Variants in EPHA7 observed in about 807,000 individuals in gnomAD.
The protein encoded by EPHA7 is EPH receptor A7.
A neutral mutation model predicts 112.6 loss-of-function variants in EPHA7; 25 were observed. The ratio of observed to expected loss-of-function variants is 0.22; its 90% CI spans 0.16 to 0.31. The LOEUF is 0.31. Among genes scored for constraint, EPHA7 ranks in the 10% least tolerant of loss-of-function variants. The probability of loss-of-function intolerance (pLI) is 1.00; values close to 1 mark genes in which losing one functional copy is unlikely to be tolerated. For missense variants in EPHA7, 962 were observed against 1,212.6 expected, an observed-to-expected ratio of 0.79 and a Z score of 3.07; for synonymous variants, 437 against 406.5, an observed-to-expected ratio of 1.07 and a Z score of -0.90.
intron 3 of EPHA7, among the ~76,000 whole-genome samples, chr6:93,388,350 TC>T (rs1006635282): frequency 1.6e-4 from 25 of 152,266 alleles, no homozygotes; most frequent in African/African-American, 5.8e-4. Context: ...TGGAAGAGAA[TC>T]CCTATTATTA....
At chr6:93,351,188 T>G (rs971165282) in intron 5 of EPHA7, among the ~76,000 whole-genome samples, 1 of 152,138 alleles carries the variant, frequency 6.6e-6, no homozygotes, top group South Asian at 2.1e-4. Context: ...CTGCAACCCA[T>G]GTCTGGACAA....
rs138213186 is a variant in EPHA7 at position 93,400,122 on chromosome 6, T to C, written c.832+10379A>G. ...CTTTATAGGAAAATGTCAACTAAAA[T>C]AGGGACATTATATAATACAAGTCAC... On this transcript the variant is annotated intron_variant, in intron 3 of 16. Transcript: ENST00000369303. Among the ~76,000 whole-genome samples, 216 of 152,060 alleles carry C rather than the reference T, an allele frequency of 1.4e-3. 1 individual carries two copies. Among genetic ancestry groups the C allele is most frequent in the African/African-American group, 4.9e-3 (205 of 41,512 alleles).
intron 5 of EPHA7, among the ~76,000 whole-genome samples, chr6:93,333,913 G>A (rs898986918): frequency 2.0e-5 from 3 of 151,826 alleles, no homozygotes; most frequent in Non-Finnish European, 4.4e-5. Flanking sequence ...TCAAAATACC[G>A]ATGAAATTGT....
intron 7 of EPHA7, among the ~76,000 whole-genome samples, chr6:93,264,960 A>G (rs947306132): frequency 6.6e-6 from 1 of 151,666 alleles, no homozygotes; most frequent in African/African-American, 2.4e-5. Context: ...ATTCCTGCTT[A>G]GTTGTTGAAA....
intron 2 of EPHA7, among the ~76,000 whole-genome samples, chr6:93,414,133 G>T (rs1450675478): frequency 6.6e-6 from 1 of 151,796 alleles, no homozygotes; most frequent in East Asian, 1.9e-4. Flanking sequence ...TGTAATATGT[G>T]CAGGCTTTGC....
intron 3 of EPHA7, among the ~76,000 whole-genome samples, chr6:93,384,592 CAT>C (rs1191984267): frequency 2.6e-5 from 4 of 152,168 alleles, no homozygotes; most frequent in South Asian, 2.1e-4. Flanking sequence ...GCTGCGATTT[CAT>C]ATGTCACCCA....
At position 93,241,885 on chromosome 6, in the gene EPHA7, GTTAT is replaced by G. The variant is rs560743213; in HGVS notation, c.*1537_*1540del. On this transcript the variant is annotated 3_prime_UTR_variant, in exon 17 of 17. Coordinates refer to ENST00000369303, the MANE Select transcript of EPHA7 (RefSeq NM_004440.4). ...AGGAACATTTACAGATTTTGTTTCT[GTTAT>G]TTGTTTGTTTGTTTGTGGATGCCCA... is the stretch of plus-strand genomic sequence containing the variant. 1.8e-3 allele frequency: 402 copies of G among 218,262 alleles called. 5 individuals carry two copies. The highest frequency in any genetic ancestry group is 8.6e-3 in the African/African-American group (383 of 44,562). The allele number at this position is 218,262 out of a possible 1,614,324, so 13.5% of individuals were successfully genotyped here.
chr6:93,326,012 C>A (rs908602872), intron 5 of EPHA7, among the ~76,000 whole-genome samples: 8 of 151,300 alleles, frequency 5.3e-5, no homozygotes, highest in African/African-American at 1.9e-4. Flanking sequence ...AACAAAGAGT[C>A]AAGAATAATA....
intron 5 of EPHA7, among the ~76,000 whole-genome samples, chr6:93,313,440 A>G (rs1423556159): frequency 3.3e-5 from 5 of 150,368 alleles, no homozygotes; most frequent in Admixed American, 1.3e-4. Flanking sequence ...TCTATTTTGC[A>G]TATCTGGATT....
chr6:93,344,598 T>C (rs76916874), intron 5 of EPHA7, among the ~76,000 whole-genome samples: 1 of 151,764 alleles, frequency 6.6e-6, no homozygotes, highest in Non-Finnish European at 1.5e-5. Context: ...AGTGTCAGGC[T>C]TTGCTTTTGA....
At chr6:93,268,897 A>G (rs1057046111) in intron 7 of EPHA7, among the ~76,000 whole-genome samples, 1 of 151,852 alleles carries the variant, frequency 6.6e-6, no homozygotes, top group Non-Finnish European at 1.5e-5. Context: ...CTTATATTTC[A>G]TATCTACTTT....
At chr6:93,261,770 C>A (rs1184484650) in intron 9 of EPHA7, among the ~76,000 whole-genome samples, 3 of 151,388 alleles carry the variant, frequency 2.0e-5, no homozygotes, top group Admixed American at 6.6e-5. Flanking sequence ...GCAAGTTTAT[C>A]TTGTCTATAT....
At chr6:93,399,587 T>C (rs1778340787) in intron 3 of EPHA7, among the ~76,000 whole-genome samples, 1 of 152,100 alleles carries the variant, frequency 6.6e-6, no homozygotes, top group African/African-American at 2.4e-5. Context: ...TGCATAGAAA[T>C]TTGGAAATCT....
chr6:93,399,356 C>CATTTAGGTTTT (rs1778329294), intron 3 of EPHA7, among the ~76,000 whole-genome samples: 1 of 152,004 alleles, frequency 6.6e-6, no homozygotes, highest in African/African-American at 2.4e-5. Flanking sequence ...ATAAAGAAAA[C>CATTTAGGTTTT]CTAAATATCT....
At chr6:93,283,717 G>A (rs1221182810) in intron 5 of EPHA7, among the ~76,000 whole-genome samples, 2 of 151,984 alleles carry the variant, frequency 1.3e-5, no homozygotes, top group Non-Finnish European at 2.9e-5. Flanking sequence ...ACAAACTCTG[G>A]ACACGCCACC....
intron 3 of EPHA7, among the ~76,000 whole-genome samples, chr6:93,400,070 G>A (rs1312881029): frequency 6.6e-6 from 1 of 151,842 alleles, no homozygotes; most frequent in East Asian, 1.9e-4. Context: ...ATATCCTACC[G>A]CACATCTCTC....
chr6:93,408,148 T>C (rs940766066), intron 3 of EPHA7, among the ~76,000 whole-genome samples: 3 of 152,076 alleles, frequency 2.0e-5, no homozygotes, highest in East Asian at 1.9e-4. Flanking sequence ...ATAAATTTAA[T>C]TGTGTACTTT....
chr6:93,401,037 T>C lies in EPHA7; in HGVS notation c.832+9464A>G, dbSNP rs548148555. 3.3e-5 allele frequency among the ~76,000 whole-genome samples: 5 copies of C among 152,176 alleles called. No individual in the cohort carries two copies. In the South Asian group the frequency reaches 1.0e-3, roughly 32 times the overall value. ...AAGGTTGTAATTCAGTGTTAATGGGTTCAGGGTAAGTCTGAGGCTACCATC... is the reference window on the plus strand; with the variant it reads ...AAGGTTGTAATTCAGTGTTAATGGGCTCAGGGTAAGTCTGAGGCTACCATC... On this transcript the variant is annotated intron_variant, in intron 3 of 16. Transcript: ENST00000369303.
intron 5 of EPHA7, among the ~76,000 whole-genome samples, chr6:93,293,998 C>T (rs1051403451): frequency 4.6e-5 from 7 of 152,102 alleles, no homozygotes; most frequent in Admixed American, 3.3e-4. Context: ...TTCTTTCTCC[C>T]GCTATTCATC....
Sources: gnomAD v4.1 joint callset for allele counts (sites outside exome capture counted in the v4.1 genomes callset) on GRCh38, gnomAD v4.1.1 for gene constraint, MANE v1.5 for transcripts, NCBI Gene and HGNC (gene_info 2026-07-23, HGNC 2026-07-21) for gene names.